Variants in NLRP13 observed in about 807,000 individuals in gnomAD.
NLRP13 encodes the protein NACHT, LRR and PYD domains-containing protein 13.
A neutral mutation model predicts 94.4 loss-of-function variants in NLRP13; 82 were observed. The ratio of observed to expected loss-of-function variants is 0.87; its 90% CI spans 0.73 to 1.04. The LOEUF (loss-of-function observed/expected upper bound fraction) is 1.04. Among genes scored for constraint, NLRP13 ranks in the 50% least tolerant of loss-of-function variants. The pLI is 0.00. For missense variants in NLRP13, 1,426 were observed against 1,230.8 expected (o/e 1.16, Z -2.37); for synonymous variants, 553 against 464.7 (o/e 1.19, Z -2.45).
intron 4 of NLRP13, among the ~76,000 whole-genome samples, chr19:55,920,356 C>A (rs1986787502): frequency 6.6e-6 from 1 of 151,966 alleles, no homozygotes; most frequent in African/African-American, 2.4e-5. Context: ...TTCTACACAG[C>A]AAAAGAAGTA....
chr19:55,921,887 T>C (rs1233418107), intron 4 of NLRP13, among the ~76,000 whole-genome samples: 1 of 152,228 alleles, frequency 6.6e-6, no homozygotes, highest in Non-Finnish European at 1.5e-5. Flanking sequence ...AGAGCCTTTC[T>C]ACTGACATGT....
rs1272477331 is a variant in NLRP13 at position 55,905,238 on chromosome 19, A to G, written c.2448-126T>C. ...GAAGATTAAATTGGAGAAAGAACAA[A>G]AGCTTAAAGAAGGAGAAAAAGGGCC... On this transcript the variant is annotated intron_variant, in intron 7 of 10. Transcript: ENST00000342929. 2.3e-5 allele frequency: 25 copies of G among 1,067,332 alleles called. No individual in the cohort carries two copies. In the Admixed American group the frequency reaches 5.0e-4, roughly 21 times the overall value. 66.1% of individuals were successfully genotyped at this position (1,067,332 alleles called of 1,614,324 possible).
At position 55,905,419 on chromosome 19, in the gene NLRP13, GTATATATACACACACATA is replaced by G. The variant is rs1986312671; in HGVS notation, c.2448-325_2448-308del. On this transcript the variant is annotated intron_variant, in intron 7 of 10. Coordinates refer to ENST00000342929, the MANE Select transcript of NLRP13 (RefSeq NM_176810.2). Reference sequence around the variant, plus strand: ...TATATATACATACATATATATACACGTATATATACACACACATATATATGTATATATATACATATATAC... The same window carrying G: ...TATATATACATACATATATATACACGTATATGTATATATATACATATATAC... 1.3e-4 allele frequency among the ~76,000 whole-genome samples: 18 copies of G among 143,086 alleles called. No homozygotes were observed. The South Asian group carries it at 3.9e-3, about 31-fold the overall frequency. The allele number at this position is 143,086 out of a possible 152,430, so 93.9% of individuals were successfully genotyped here. A position where few individuals can be genotyped will look rare whatever the true frequency, so the allele number is the denominator to read the frequency against.
intron 4 of NLRP13, among the ~76,000 whole-genome samples, chr19:55,918,055 C>A (rs947160558): frequency 6.6e-6 from 1 of 152,020 alleles, no homozygotes; most frequent in Admixed American, 6.6e-5. Flanking sequence ...GAAATTATAT[C>A]AAGTATTTTT....
chr19:55,895,364 G>C (rs1264084323), downstream of NLRP13, among the ~76,000 whole-genome samples: 1 of 152,018 alleles, frequency 6.6e-6, no homozygotes, highest in Non-Finnish European at 1.5e-5. Context: ...CTGGGTGACA[G>C]AGCAAGACTC....
chr19:55,925,684 C>T (rs1986950438), intron 1 of NLRP13, among the ~76,000 whole-genome samples: 1 of 152,198 alleles, frequency 6.6e-6, no homozygotes, highest in Non-Finnish European at 1.5e-5. Context: ...TCTTCTATAA[C>T]TCACAGTGGC....
rs79206656 is a variant in NLRP13, at chr19:55,906,652, A to G, written c.2447+1140T>C. On this transcript the variant is annotated intron_variant, in intron 7 of 10. Coordinates refer to ENST00000342929, the MANE Select transcript of NLRP13 (RefSeq NM_176810.2). The stretch of plus-strand genomic sequence containing the variant: ...GACTTGTGTTCTCAGTGAGTTTGAG[A>G]AAGAGCTGACAAATCTGGTAGGTAA... 3.2e-3 allele frequency among the ~76,000 whole-genome samples: 492 copies of G among 152,170 alleles called. 5 individuals are homozygous for G. The highest frequency in any genetic ancestry group is 0.011 in the African/African-American group (475 of 41,502).
chr19:55,904,643 AC>A (rs35727772), intron 8 of NLRP13, among the ~76,000 whole-genome samples: 1 of 151,956 alleles, frequency 6.6e-6, no homozygotes, highest in Non-Finnish European at 1.5e-5. Context: ...CATATCTACC[AC>A]CCCAGCCTTG....
At chr19:55,905,280 G>A (rs1244176448) in intron 7 of NLRP13, among the ~76,000 whole-genome samples, 168 bp from the exon 8 acceptor site, 4 of 151,760 alleles carry the variant, frequency 2.6e-5, no homozygotes, top group East Asian at 1.9e-4. Flanking sequence ...AGTGGCTGAC[G>A]CCTGTAATCC....
chr19:55,908,655 A>C (rs1986420994), intron 6 of NLRP13, among the ~76,000 whole-genome samples: 3 of 152,218 alleles, frequency 2.0e-5, no homozygotes, highest in Non-Finnish European at 4.4e-5. Context: ...CATCATCCTT[A>C]GGAAGCTAAT....
chr19:55,931,217 C>A (rs1291846202), intron 1 of NLRP13, among the ~76,000 whole-genome samples: 1 of 151,964 alleles, frequency 6.6e-6, no homozygotes, highest in Admixed American at 6.6e-5. Flanking sequence ...GAGGTACATG[C>A]CTGTGTGCAT....
chr19:55,919,994 G>T (rs1986778414), intron 4 of NLRP13, among the ~76,000 whole-genome samples: 1 of 152,064 alleles, frequency 6.6e-6, no homozygotes, highest in South Asian at 2.1e-4. Context: ...ATAGATCAAT[G>T]TAACAGAATA....
chr19:55,905,353 C>A (rs1315802483), intron 7 of NLRP13, among the ~76,000 whole-genome samples: 1 of 151,114 alleles, frequency 6.6e-6, no homozygotes. Flanking sequence ...AGCAGCCTGG[C>A]CAACATGGAG....
intron 10 of NLRP13, among the ~76,000 whole-genome samples, chr19:55,896,820 C>CAAA (rs3073244): frequency 0.084 from 6,737 of 80,538 alleles, 647 homozygotes; most frequent in Non-Finnish European, 0.12. Flanking sequence ...CTCCATCTCA[C>CAAA]AAAAAAAAAA....
chr19:55,924,912 A>T, intron 2 of NLRP13, 55 bp downstream of exon 2: 1 of 1,431,154 alleles, frequency 7.0e-7, no homozygotes, highest in Non-Finnish European at 9.9e-7. Context: ...TGGACCAGTG[A>T]ATGAGTGCTC....
At chr19:55,909,688 G>C (rs1986450741) in intron 6 of NLRP13, among the ~76,000 whole-genome samples, 1 of 152,170 alleles carries the variant, frequency 6.6e-6, no homozygotes, top group African/African-American at 2.4e-5. Context: ...GCTCTCACCA[G>C]GTTGTAGCAG....
At chr19:55,896,267 G>C in intron 10 of NLRP13, 148 bp from the exon 11 acceptor site, 1 of 821,662 alleles carries the variant, frequency 1.2e-6, no homozygotes, top group South Asian at 1.8e-5. Flanking sequence ...GCTCACGCCT[G>C]TAATCCCAGC....
chr19:55,907,998 G>T lies in NLRP13; in HGVS notation c.2283-42C>A, dbSNP rs767714493. 7 of 1,556,438 alleles carry T rather than the reference G, an allele frequency of 4.5e-6. No individual in the cohort carries two copies. In the South Asian group the frequency reaches 7.3e-5, roughly 16 times the overall value. On this transcript the variant is annotated intron_variant, in intron 6 of 10. Transcript: ENST00000342929. The stretch of plus-strand genomic sequence containing the variant: ...ACATGAAAGCTGGATTGGGGGAGAA[G>T]ACTGGTTTCCAGGATCCCGTCTGCC...
chr19:55,913,819 C>G (rs570982541), intron 4 of NLRP13, among the ~76,000 whole-genome samples: 1 of 151,928 alleles, frequency 6.6e-6, no homozygotes, highest in African/African-American at 2.4e-5. Flanking sequence ...CTGCAAGCCT[C>G]GTGAGTGTGC....
Sources: gnomAD v4.1 joint callset for allele counts (sites outside exome capture counted in the v4.1 genomes callset) on GRCh38, gnomAD v4.1.1 for gene constraint, MANE v1.5 for transcripts, NCBI Gene and HGNC (gene_info 2026-07-23, HGNC 2026-07-21) for gene names.